ANKHD1: variants seen among roughly 807,000 people sequenced by gnomAD.
ANKHD1 encodes the protein ankyrin repeat and KH domain containing 1, also known as ankyrin repeat and KH domain-containing protein 1.
Under a neutral mutation model 230.5 loss-of-function variants are expected in ANKHD1, and 31 were observed. The observed-to-expected ratio is 0.13, with a 90% CI of 0.10 to 0.18. The LOEUF is 0.18. ANKHD1 is among the 10% of genes least tolerant of loss of function. The pLI is 1.00. For synonymous variants in ANKHD1, 1,074 were observed against 1,117.6 expected (o/e 0.96, Z 0.78); for missense variants, 2,256 against 3,071.3 (o/e 0.73, Z 6.27).
rs1424283894 is a variant in ANKHD1, at chr5:140,496,679, A to C, written c.2405A>C (p.Lys802Thr). The C allele has an allele frequency of 1.2e-6, 2 of 1,613,892 alleles. No individual in the cohort carries two copies. Among genetic ancestry groups the C allele is most frequent in the African/African-American group, 2.7e-5 (2 of 74,880 alleles). ...RISAIEKAQLKSLELIQGEPL... is the reference protein window; with the variant it reads ...RISAIEKAQLTSLELIQGEPL... ...AGTGCTATTGAAAAAGCACAGCTTA[A>C]GTCACTGGAGTTAATTCAAGGTGAA... Residue 802 changes from lysine to threonine, a missense_variant, in exon 15 of 34, where the codon AAG becomes ACG. This residue lies in a region of ANKHD1 where 358 missense variants were observed against 397.7 expected (regional missense o/e 0.90). Transcript: ENST00000360839.
chr5:140,516,932 C>T (rs1753042228), intron 24 of ANKHD1, among the ~76,000 whole-genome samples: 1 of 151,968 alleles, frequency 6.6e-6, no homozygotes, highest in Non-Finnish European at 1.5e-5. Flanking sequence ...CAAATTCACA[C>T]ATAACAATAT....
chr5:140,502,851 A>T (rs1389331944), intron 15 of ANKHD1, among the ~76,000 whole-genome samples: 2 of 152,194 alleles, frequency 1.3e-5, no homozygotes, highest in African/African-American at 4.8e-5. Context: ...ATATTCTTAT[A>T]GGTGAAACAA....
intron 1 of ANKHD1, among the ~76,000 whole-genome samples, chr5:140,410,546 A>ATT (rs931905893): frequency 6.7e-6 from 1 of 148,734 alleles, no homozygotes; most frequent in South Asian, 2.1e-4. Context: ...AGTTTACCAA[A>ATT]TTTTTTTTTT....
At chr5:140,490,409 A>G (rs2127026015) in intron 14 of ANKHD1, among the ~76,000 whole-genome samples, 1 of 152,272 alleles carries the variant, frequency 6.6e-6, no homozygotes, top group East Asian at 1.9e-4. Flanking sequence ...CCATTTGTAC[A>G]GGCTCCGTCC....
chr5:140,466,218 C>G (rs1318609189), intron 10 of ANKHD1, among the ~76,000 whole-genome samples: 2 of 151,794 alleles, frequency 1.3e-5, no homozygotes, highest in Non-Finnish European at 1.5e-5. Context: ...TTGGTGAAAC[C>G]CTGTCTCTAC....
At chr5:140,531,454 G>A (rs1753814078) in intron 29 of ANKHD1, 3 of 225,650 alleles carry the variant, frequency 1.3e-5, no homozygotes, top group South Asian at 1.2e-4. Context: ...GATGGTGCAG[G>A]TCTGTAGTCC....
chr5:140,505,720 T>C lies in ANKHD1; in HGVS notation c.3263-4T>C. 1 of 1,579,146 alleles carries C rather than the reference T, an allele frequency of 6.3e-7. No homozygotes were observed. Among genetic ancestry groups the C allele is most frequent in the Non-Finnish European group, 8.5e-7 (1 of 1,171,114 alleles). ...TTGTTTAAGATTTTCATTTTCTGAT[T>C]TAGGTTTCACACCACTAATCCTGGC... On this transcript the variant is annotated splice_polypyrimidine_tract_variant and splice_region_variant and intron_variant, in intron 17 of 33. Coordinates refer to ENST00000360839, the MANE Select transcript of ANKHD1 (RefSeq NM_017747.3).
At chr5:140,533,305 A>C (rs1178661393) in intron 29 of ANKHD1, among the ~76,000 whole-genome samples, 2 of 152,040 alleles carry the variant, frequency 1.3e-5, no homozygotes, top group Non-Finnish European at 1.5e-5. Context: ...TTTCAAAGTT[A>C]GCTCAGTGTG....
intron 25 of ANKHD1, chr5:140,525,012 A>C (rs1187298884): frequency 4.4e-6 from 1 of 229,206 alleles, no homozygotes; most frequent in Non-Finnish European, 8.8e-6. Context: ...CCACCTACTC[A>C]GGAGGCTGAG....
At chr5:140,456,228 A>G (rs1209513372) in intron 7 of ANKHD1, among the ~76,000 whole-genome samples, 3 of 152,252 alleles carry the variant, frequency 2.0e-5, no homozygotes, top group Non-Finnish European at 4.4e-5. Flanking sequence ...AACAAATGGA[A>G]GAACATTCCA....
rs762920715 is a variant in ANKHD1, at chr5:140,528,803, C to T, written c.5857C>T (p.Arg1953Trp). The T allele has an allele frequency of 3.2e-5, 52 of 1,614,052 alleles. No individual in the cohort carries two copies. Among genetic ancestry groups the T allele is most frequent in the Non-Finnish European group, 4.2e-5 (50 of 1,180,032 alleles). Residue 1953 changes from arginine to tryptophan, a missense_variant, in exon 29 of 34, where the codon CGG becomes TGG. Around this residue, in one of 13 missense-constraint regions of ANKHD1, gnomAD observed 778 missense variants for 966.5 expected, o/e 0.80. Coordinates refer to ENST00000360839, the MANE Select transcript of ANKHD1 (RefSeq NM_017747.3). ...ASQQLCVTNT[R>W]TPSSVRKQLF... ...TCAGCAACTGTGTGTCACTAATACCCGGACTCCTTCATCAGTCAGAAAGCA... is the reference window on the plus strand; with the variant it reads ...TCAGCAACTGTGTGTCACTAATACCTGGACTCCTTCATCAGTCAGAAAGCA...
At chr5:140,502,975 A>G (rs1180329665) in intron 15 of ANKHD1, among the ~76,000 whole-genome samples, 1 of 152,118 alleles carries the variant, frequency 6.6e-6, no homozygotes. Context: ...GTTGGTGGGG[A>G]TGAGCTGGGT....
chr5:140,443,900 G>T (rs985002760), intron 5 of ANKHD1, among the ~76,000 whole-genome samples: 11 of 152,066 alleles, frequency 7.2e-5, no homozygotes, highest in Non-Finnish European at 1.6e-4. Context: ...ATAGTTGGGG[G>T]CTTTAATTTC....
chr5:140,507,081 A>G lies in ANKHD1; in HGVS notation c.3551+104A>G. ...CAGATACATTTTAAATTAAGATAGTACTAAAGTTGCAAAGCCAACGATTAT... is the reference window on the plus strand; with the variant it reads ...CAGATACATTTTAAATTAAGATAGTGCTAAAGTTGCAAAGCCAACGATTAT... On this transcript the variant is annotated intron_variant, in intron 19 of 33. Coordinates refer to ENST00000360839, the MANE Select transcript of ANKHD1 (RefSeq NM_017747.3). The surrounding 1 kb of genome is among the most constrained non-coding windows in gnomAD (Gnocchi z 4.1). The G allele has an allele frequency of 1.3e-6, 2 of 1,502,156 alleles. No homozygotes were observed. The highest frequency in any genetic ancestry group is 1.8e-6 in the Non-Finnish European group (2 of 1,130,642). The allele number at this position is 1,502,156 out of a possible 1,614,324, so 93.1% of individuals were successfully genotyped here.
At chr5:140,457,496 C>T (rs1318178431) in intron 7 of ANKHD1, among the ~76,000 whole-genome samples, 2 of 152,156 alleles carry the variant, frequency 1.3e-5, no homozygotes, top group Non-Finnish European at 2.9e-5. Context: ...AAATGTGGCA[C>T]ATATACACCA....
intron 1 of ANKHD1, among the ~76,000 whole-genome samples, chr5:140,426,953 T>A (rs1043604381): frequency 1.3e-5 from 2 of 152,222 alleles, no homozygotes; most frequent in Admixed American, 1.3e-4. Flanking sequence ...GATTTCTCAA[T>A]CTTTTCCCCA....
Position 140,529,601 on chromosome 5 carries a change from A to G in ANKHD1, c.6655A>G (p.Ser2219Gly), listed in dbSNP as rs750012498. The change falls in exon 29 of 34, where the codon AGT becomes GGT. Residue 2219 changes from serine to glycine, a missense_variant. Physicochemically the swap from Ser to Gly is moderately conservative, Grantham distance 56 (BLOSUM62 0). Coordinates refer to ENST00000360839, the MANE Select transcript of ANKHD1 (RefSeq NM_017747.3). ...LFNHFSSLFD[S>G]SQVPANQGWG... Reference sequence around the variant, plus strand: ...CAATCACTTCAGCAGTCTTTTTGATAGTAGTCAGGTGCCAGCTAACCAGGG... The same window carrying G: ...CAATCACTTCAGCAGTCTTTTTGATGGTAGTCAGGTGCCAGCTAACCAGGG... The G allele has an allele frequency of 6.2e-7, 1 of 1,614,204 alleles. No homozygotes were observed.
chr5:140,505,046 GA>G, intron 16 of ANKHD1, 75 bp from the exon 17 acceptor site: 2 of 1,602,292 alleles, frequency 1.2e-6, no homozygotes, highest in Non-Finnish European at 1.7e-6. Flanking sequence ...CATTTATTGT[GA>G]AAAGAAATAT....
intron 1 of ANKHD1, among the ~76,000 whole-genome samples, chr5:140,417,737 C>T (rs1051093162): frequency 3.3e-5 from 5 of 149,422 alleles, no homozygotes; most frequent in African/African-American, 1.2e-4. Flanking sequence ...TACAGGCATG[C>T]GCCACTGCAC....
Sources: gnomAD v4.1 joint callset for allele counts (sites outside exome capture counted in the v4.1 genomes callset) on GRCh38, gnomAD v4.1.1 for gene constraint, gnomAD v4.1.1 regional missense constraint, Gnocchi (gnomAD v3.1) non-coding constraint, MANE v1.5 for transcripts, NCBI Gene and HGNC (gene_info 2026-07-23, HGNC 2026-07-21) for gene names.